MYO7A: variants seen among roughly 807,000 people sequenced by gnomAD.
MYO7A encodes myosin VIIA, also known as unconventional myosin-VIIa.
Under a neutral mutation model 263.8 loss-of-function variants are expected in MYO7A, and 210 were observed. The ratio of observed to expected loss-of-function variants is 0.80; its 90% CI spans 0.71 to 0.89. The LOEUF is 0.89. MYO7A is among the 40% of genes least tolerant of loss of function. The pLI is 0.00. For missense variants in MYO7A, 2,820 were observed against 2,968.3 expected (o/e 0.95, Z 1.16); for synonymous variants, 1,239 against 1,197.3 (o/e 1.03, Z -0.72).
At chr11:77,153,922 A>G (rs1471956079) in intron 4 of MYO7A, among the ~76,000 whole-genome samples, 2 of 152,084 alleles carry the variant, frequency 1.3e-5, no homozygotes. Context: ...CTGTGTGGGG[A>G]TCATGGGCCA....
chr11:77,161,490 CT>C (rs1952991570), intron 12 of MYO7A, among the ~76,000 whole-genome samples: 1 of 152,338 alleles, frequency 6.6e-6, no homozygotes, highest in Admixed American at 6.5e-5. Flanking sequence ...GATTCTGTGC[CT>C]TTTAGGGGCC....
chr11:77,132,162 G>A (rs1343228179), intron 2 of MYO7A, among the ~76,000 whole-genome samples: 1 of 151,896 alleles, frequency 6.6e-6, no homozygotes, highest in Non-Finnish European at 1.5e-5. Flanking sequence ...CCTCTTGCCT[G>A]GCTGACTTCT....
At chr11:77,155,725 T>C (rs1226054256) in intron 4 of MYO7A, among the ~76,000 whole-genome samples, 182 bp from the exon 5 acceptor site, 1 of 152,224 alleles carries the variant, frequency 6.6e-6, no homozygotes, top group Non-Finnish European at 1.5e-5. Flanking sequence ...GACCCAGTGC[T>C]GGACAGAAGG....
At chr11:77,196,556 G>C (rs780216256) in intron 32 of MYO7A, among the ~76,000 whole-genome samples, 4 of 152,140 alleles carry the variant, frequency 2.6e-5, no homozygotes, top group Non-Finnish European at 5.9e-5. Flanking sequence ...CAAAAAAGTA[G>C]GACTGCTATG....
intron 40 of MYO7A, 129 bp downstream of exon 40, chr11:77,205,746 C>T: frequency 7.9e-7 from 1 of 1,261,810 alleles, no homozygotes. Context: ...ACCTCAACTG[C>T]CAGCTAGACG....
rs1200683886 is a variant in MYO7A at position 77,160,144 on chromosome 11, G to T, written c.1081-19G>T. ...GGGGCAGGCTGGCAGGTGAGCACCTGGGGTGTTGCCTGTACCAGGTGAACC... is the reference window on the plus strand; with the variant it reads ...GGGGCAGGCTGGCAGGTGAGCACCTTGGGTGTTGCCTGTACCAGGTGAACC... On this transcript the variant is annotated intron_variant, in intron 10 of 48. Coordinates refer to ENST00000409709, the MANE Select transcript of MYO7A (RefSeq NM_000260.4). The T allele has an allele frequency of 1.2e-5, 19 of 1,549,180 alleles. No homozygotes were observed. In the Admixed American group the frequency reaches 3.5e-4, roughly 29 times the overall value.
intron 2 of MYO7A, among the ~76,000 whole-genome samples, chr11:77,134,957 G>A (rs533974908): frequency 1.5e-3 from 222 of 151,808 alleles, no homozygotes; most frequent in Middle Eastern, 6.8e-3. Flanking sequence ...GCTAATTTCT[G>A]TATTTTTAGT....
intron 45 of MYO7A, among the ~76,000 whole-genome samples, 154 bp from the exon 46 acceptor site, chr11:77,211,667 C>T (rs776931022): frequency 1.3e-5 from 2 of 152,120 alleles, no homozygotes; most frequent in Non-Finnish European, 2.9e-5. Flanking sequence ...CTTCACAGTC[C>T]CCAGGTCTGC....
intron 2 of MYO7A, among the ~76,000 whole-genome samples, chr11:77,137,177 A>C (rs1169136717): frequency 6.6e-6 from 1 of 152,100 alleles, no homozygotes; most frequent in Non-Finnish European, 1.5e-5. Flanking sequence ...GGTGTCCCTG[A>C]GAGGTCACAG....
At chr11:77,129,698 A>G (rs782780542) in intron 1 of MYO7A, among the ~76,000 whole-genome samples, 3 of 152,210 alleles carry the variant, frequency 2.0e-5, no homozygotes, top group Admixed American at 1.3e-4. Context: ...AGGGGAATAT[A>G]GAGGCTCTTG....
Position 77,181,417 on chromosome 11 carries a change from G to T in MYO7A, c.2732G>T (p.Arg911Leu). The change falls in exon 23 of 49, where the codon CGG becomes CTG. Residue 911 changes from arginine to leucine, a missense_variant. Transcript: ENST00000409709. ...LAQLAREDAERELKEKEAARR... is the reference protein window; with the variant it reads ...LAQLAREDAELELKEKEAARR... The stretch of plus-strand genomic sequence containing the variant: ...CAGCTGGCTCGTGAGGACGCTGAGC[G>T]GGAGCTGAAGGAGAAGGAGGCCGCT... The T allele has an allele frequency of 6.3e-7, 1 of 1,588,324 alleles. No individual in the cohort carries two copies. Among genetic ancestry groups the T allele is most frequent in the African/African-American group, 1.3e-5 (1 of 74,622 alleles).
rs1419545160 is a variant in MYO7A at position 77,205,588 on chromosome 11, C to T, written c.5607C>T (p.Asp1869=). 1 of 1,613,598 alleles carries T rather than the reference C, an allele frequency of 6.2e-7. No individual in the cohort carries two copies. The highest frequency in any genetic ancestry group is 8.5e-7 in the Non-Finnish European group (1 of 1,179,808). ...QSRKHCPLAI[D]CLQRLQKALR... ...GAAAGCACTGCCCACTCGCCATCGA[C>T]TGCCTGCAACGGCTCCAGAAAGCCC... is the stretch of plus-strand genomic sequence containing the variant. The change falls in exon 40 of 49, where the codon GAC becomes GAT. Residue 1869 remains aspartate, a synonymous_variant. Transcript: ENST00000409709.
At chr11:77,181,231 G>T in intron 22 of MYO7A, 149 bp from the exon 23 acceptor site, 1 of 691,244 alleles carries the variant, frequency 1.4e-6, no homozygotes, top group Non-Finnish European at 2.4e-6. Context: ...TCCAGAGGTG[G>T]GGAAGTCAGA....
chr11:77,174,779 G>A lies in MYO7A; in HGVS notation c.1959G>A (p.Val653=), dbSNP rs1413707295. The A allele has an allele frequency of 1.9e-6, 3 of 1,603,322 alleles. No individual in the cohort carries two copies. In the East Asian group the frequency reaches 6.8e-5, roughly 36 times the overall value. The change falls in exon 17 of 49, where the codon GTG becomes GTA. Residue 653 remains valine, a synonymous_variant. Transcript: ENST00000409709. ...AGCTGTTCGACCGGCACCTGTGCGT[G>A]CGCCAGCTGCGGTACTCAGGAATGA... is the stretch of plus-strand genomic sequence containing the variant. The part of the protein sequence containing the change: ...KPMLFDRHLC[V]RQLRYSGMME...
At chr11:77,177,738 G>GA (rs1954765017) in intron 19 of MYO7A, 95 bp downstream of exon 19, 7 of 982,324 alleles carry the variant, frequency 7.1e-6, no homozygotes, top group South Asian at 5.9e-5. Context: ...TGAACACTAG[G>GA]AAAAAAACGT....
At chr11:77,169,676 C>T (rs1953902387) in intron 15 of MYO7A, among the ~76,000 whole-genome samples, 1 of 152,146 alleles carries the variant, frequency 6.6e-6, no homozygotes, top group Admixed American at 6.5e-5. Flanking sequence ...TATTGAGTAC[C>T]TACTATATGC....
rs1169223473 is a variant in MYO7A, at chr11:77,194,440, G to C, written c.4239G>C (p.Val1413=). ...TCCTGGAGCGCCTCCTGAACCTCGT[G>C]CCCACCTACATCCCCGACCGCGAGA... ...EMILERLLNL[V]PTYIPDREIT... is the part of the protein sequence containing the mutation. Residue 1413 remains valine, a synonymous_variant, in exon 32 of 49, where the codon GTG becomes GTC. Transcript: ENST00000409709. 1 of 1,611,710 alleles carries C rather than the reference G, an allele frequency of 6.2e-7. No individual in the cohort carries two copies. Among genetic ancestry groups the C allele is most frequent in the Non-Finnish European group, 8.5e-7 (1 of 1,179,054 alleles).
chr11:77,196,290 C>T (rs181539895), intron 32 of MYO7A, among the ~76,000 whole-genome samples: 62 of 150,896 alleles, frequency 4.1e-4, no homozygotes, highest in African/African-American at 1.5e-3. Flanking sequence ...CACTTGAACT[C>T]GGGAGGCGGA....
chr11:77,204,101 C>G lies in MYO7A; in HGVS notation c.5352C>G (p.Tyr1784Ter), dbSNP rs754223546. Residue 1784 changes from tyrosine to a stop codon, truncating the protein, a stop_gained, in exon 39 of 49, where the codon TAC (tyrosine) becomes TAG (stop). Transcript: ENST00000409709. LOFTEE classifies it high-confidence loss of function. ...CTGTGCTCAAGTACATGGGCGACTA[C>G]CCGTCCAAGAGGACACGCTCCGTCA... ...FIAVLKYMGD[Y>*]PSKRTRSVNE... The G allele has an allele frequency of 6.2e-7, 1 of 1,601,556 alleles. No homozygotes were observed. Among genetic ancestry groups the G allele is most frequent in the African/African-American group, 1.3e-5 (1 of 74,550 alleles).
Sources: allele counts gnomAD v4.1 joint callset (sites outside exome capture counted in the v4.1 genomes callset), GRCh38; gene constraint gnomAD v4.1.1; transcripts MANE v1.5; gene names NCBI Gene and HGNC (gene_info 2026-07-23, HGNC 2026-07-21).